The following STAB2 variants were observed in gnomAD, a reference collection of about 807,000 sequenced individuals.
STAB2 encodes stabilin 2.
STAB2 carries 288 observed loss-of-function variants against 338.1 expected under a neutral mutation model. The ratio of observed to expected loss-of-function variants is 0.85; its 90% CI spans 0.77 to 0.94. The LOEUF (loss-of-function observed/expected upper bound fraction) is 0.94, where lower values mean the gene tolerates loss of function less well. STAB2 is among the 40% of genes least tolerant of loss of function. The pLI, the probability that STAB2 is intolerant of heterozygous loss-of-function variation, is 0.00. For synonymous variants in STAB2, 1,202 were observed against 1,193.3 expected (o/e 1.01, Z -0.15); for missense variants, 3,141 against 3,210.1 (o/e 0.98, Z 0.52).
chr12:103,710,406 T>C (rs1879744971), intron 39 of STAB2, among the ~76,000 whole-genome samples: 1 of 152,192 alleles, frequency 6.6e-6, no homozygotes, highest in Non-Finnish European at 1.5e-5. Context: ...GCCTGTAGAC[T>C]ATAACAAAGA....
At chr12:103,646,866 G>A (rs1339244123) in intron 9 of STAB2, among the ~76,000 whole-genome samples, 4 of 152,198 alleles carry the variant, frequency 2.6e-5, no homozygotes, top group Non-Finnish European at 5.9e-5. Context: ...CTGGTGGATA[G>A]GGTTGTGATA....
chr12:103,675,155 G>T (rs1045003813), intron 23 of STAB2, among the ~76,000 whole-genome samples: 4 of 152,162 alleles, frequency 2.6e-5, no homozygotes, highest in Admixed American at 1.3e-4. Flanking sequence ...TGTAAGGCAT[G>T]TATGACTGAA....
At chr12:103,684,202 T>C (rs576399991) in intron 26 of STAB2, among the ~76,000 whole-genome samples, 4 of 152,166 alleles carry the variant, frequency 2.6e-5, no homozygotes, top group African/African-American at 4.8e-5. Context: ...CCACCATCAG[T>C]GATGCCCTCT....
chr12:103,708,486 A>T lies in STAB2; in HGVS notation c.4238A>T (p.Asp1413Val), dbSNP rs1233498650. The T allele has an allele frequency of 6.2e-7, 1 of 1,614,092 alleles. No individual in the cohort carries two copies. The highest frequency in any genetic ancestry group is 8.5e-7 in the Non-Finnish European group (1 of 1,179,950). Residue 1413 changes from aspartate (D) to valine (V), a missense_variant, in exon 39 of 69, where the codon GAT becomes GTT. Asp to Val is a radical substitution (Grantham distance 152, BLOSUM62 -3). Transcript: ENST00000388887. ...AGATGCAACCAAGGACCCTTGGGAG[A>T]TGGCTCCTGTGACTGTGATGTTGGC... ...HGRCNQGPLG[D>V]GSCDCDVGWR...
intron 58 of STAB2, among the ~76,000 whole-genome samples, chr12:103,748,747 C>T (rs1378130350): frequency 6.6e-6 from 1 of 152,022 alleles, no homozygotes; most frequent in African/African-American, 2.4e-5. Flanking sequence ...CAGAAGCGGA[C>T]AGATGTCATC....
intron 3 of STAB2, among the ~76,000 whole-genome samples, chr12:103,597,854 A>G (rs1192906497): frequency 1.3e-5 from 2 of 152,224 alleles, no homozygotes; most frequent in Non-Finnish European, 2.9e-5. Flanking sequence ...GAACATGTGC[A>G]AAGGAGTTAC....
At chr12:103,653,747 A>ACGG (rs1458193151) in intron 12 of STAB2, among the ~76,000 whole-genome samples, 2 of 22,784 alleles carry the variant, frequency 8.8e-5, no homozygotes, top group African/African-American at 3.7e-4. Flanking sequence ...TGGATGGATG[A>ACGG]ATGGATGGAT....
At chr12:103,626,156 G>T (rs1462800060) in intron 5 of STAB2, among the ~76,000 whole-genome samples, 1 of 152,202 alleles carries the variant, frequency 6.6e-6, no homozygotes, top group African/African-American at 2.4e-5. Flanking sequence ...TTTCTGTGAT[G>T]ATAGAAATAT....
chr12:103,703,274 C>T lies in STAB2; in HGVS notation c.3841C>T (p.Arg1281Ter), dbSNP rs377153399. ...TGATAATAATGACACTACTATTATA[C>T]GAGTAAGTTCTATGGGCCAGAGCCA... ...RCDNNDTTII[R>*]GRCRTCSSEL... Residue 1281 changes from arginine to a stop codon, truncating the protein, a stop_gained and splice_region_variant, in exon 35 of 69, where the codon CGA becomes TGA. Coordinates refer to ENST00000388887, the MANE Select transcript of STAB2 (RefSeq NM_017564.10). LOFTEE classifies it high-confidence loss of function. 2.7e-5 allele frequency: 44 copies of T among 1,611,840 alleles called. No individual in the cohort carries two copies. The highest frequency in any genetic ancestry group is 3.4e-5 in the Non-Finnish European group (40 of 1,179,930).
intron 26 of STAB2, among the ~76,000 whole-genome samples, chr12:103,684,661 C>T (rs773764284): frequency 2.6e-5 from 4 of 152,232 alleles, no homozygotes; most frequent in Non-Finnish European, 5.9e-5. Context: ...AAAAATCTTT[C>T]AGCACAAGTA....
intron 8 of STAB2, 79 bp downstream of exon 8, chr12:103,638,291 A>T (rs1235145264): frequency 1.4e-6 from 2 of 1,456,376 alleles, no homozygotes; most frequent in Admixed American, 2.1e-5. Flanking sequence ...TTTGTCTTCT[A>T]TGCCATCCCA....
At chr12:103,707,373 A>G (rs146548149) in intron 38 of STAB2, among the ~76,000 whole-genome samples, 6 of 152,236 alleles carry the variant, frequency 3.9e-5, no homozygotes, top group African/African-American at 1.2e-4. Flanking sequence ...CCTTAGGTAC[A>G]TGAGTATTGC....
At chr12:103,667,585 A>G (rs1875262585) in intron 19 of STAB2, among the ~76,000 whole-genome samples, 1 of 152,204 alleles carries the variant, frequency 6.6e-6, no homozygotes, top group Non-Finnish European at 1.5e-5. Flanking sequence ...GTAGGAGCCA[A>G]AAGAAGCCCT....
Position 103,703,155 on chromosome 12 carries a change from T to C in STAB2, c.3722T>C (p.Val1241Ala), listed in dbSNP as rs1409240299. 8 of 1,613,560 alleles carry C rather than the reference T, an allele frequency of 5.0e-6. No individual in the cohort carries two copies. The highest frequency in any genetic ancestry group is 6.8e-6 in the Non-Finnish European group (8 of 1,179,966). ...TAACCCTGTTGTTCACAGCTCTATG[T>C]AAATGAGGCTCCAATAAACTACACC... is the stretch of plus-strand genomic sequence containing the variant. ...SFFLHNDQLY[V>A]NEAPINYTNV... The change falls in exon 35 of 69, where the codon GTA (valine) becomes GCA (alanine). Residue 1241 changes from valine to alanine, a missense_variant. Transcript: ENST00000388887.
chr12:103,620,622 TAA>T, intron 4 of STAB2, 69 bp downstream of exon 4: 1 of 1,104,708 alleles, frequency 9.1e-7, no homozygotes, highest in Non-Finnish European at 1.3e-6. Flanking sequence ...TGATCCTCCT[TAA>T]ACACACACAC....
At position 103,748,996 on chromosome 12, in the gene STAB2, G is replaced by A. The variant is rs1233866971; in HGVS notation, c.6278G>A (p.Cys2093Tyr). 3 of 1,613,990 alleles carry A rather than the reference G, an allele frequency of 1.9e-6. No homozygotes were observed. The highest frequency in any genetic ancestry group is 2.5e-6 in the Non-Finnish European group (3 of 1,180,018). ...TTCTGCAAACAGGACAACGGGGGCTGTGCAAAGGTGGCCAGATGCTCCCAG... is the reference window on the plus strand; with the variant it reads ...TTCTGCAAACAGGACAACGGGGGCTATGCAAAGGTGGCCAGATGCTCCCAG... ...VDFCKQDNGG[C>Y]AKVARCSQKG... The change falls in exon 59 of 69, where the codon TGT becomes TAT. Residue 2093 changes from cysteine (C) to tyrosine (Y), a missense_variant. Coordinates refer to ENST00000388887, the MANE Select transcript of STAB2 (RefSeq NM_017564.10).
intron 3 of STAB2, among the ~76,000 whole-genome samples, chr12:103,610,069 T>C (rs965935880): frequency 1.3e-5 from 2 of 152,132 alleles, no homozygotes; most frequent in Non-Finnish European, 2.9e-5. Context: ...CTTTTTGATG[T>C]GTTGCTGGAT....
At chr12:103,653,769 T>C (rs1233618173) in intron 12 of STAB2, among the ~76,000 whole-genome samples, 2 of 142,728 alleles carry the variant, frequency 1.4e-5, no homozygotes, top group African/African-American at 2.7e-5. Flanking sequence ...GATGGACGGA[T>C]GGATGGATGG....
At position 103,692,764 on chromosome 12, in the gene STAB2, G is replaced by A. The variant is rs1253159896; in HGVS notation, c.3298-48G>A. Reference sequence around the variant, plus strand: ...ACCCCAGAGATCATCTCAATCCCAAGGTGCGCTCTATAAAGACTCATCTTC... The same window carrying A: ...ACCCCAGAGATCATCTCAATCCCAAAGTGCGCTCTATAAAGACTCATCTTC... On this transcript the variant is annotated intron_variant, in intron 30 of 68. Coordinates refer to ENST00000388887, the MANE Select transcript of STAB2 (RefSeq NM_017564.10). 5 of 1,505,800 alleles carry A rather than the reference G, an allele frequency of 3.3e-6. No individual in the cohort carries two copies. The South Asian group carries it at 5.7e-5, about 17-fold the overall frequency. 93.3% of individuals were successfully genotyped at this position (1,505,800 alleles called of 1,614,324 possible).
Sources: gnomAD v4.1 joint callset for allele counts (sites outside exome capture counted in the v4.1 genomes callset) on GRCh38, gnomAD v4.1.1 for gene constraint, MANE v1.5 for transcripts, NCBI Gene and HGNC (gene_info 2026-07-23, HGNC 2026-07-21) for gene names.